The following PANK4 variants were observed in gnomAD, a reference collection of about 807,000 sequenced individuals.
The protein encoded by PANK4 is 4'-phosphopantetheine phosphatase.
PANK4 carries 40 observed loss-of-function variants against 87.9 expected under a neutral mutation model. That is an observed-to-expected ratio of 0.46 (90% CI 0.35 to 0.59). The LOEUF is 0.59. PANK4 is among the 20% of genes least tolerant of loss of function. The pLI, the probability that PANK4 is intolerant of heterozygous loss-of-function variation, is 0.00. For synonymous variants in PANK4, 524 were observed against 467.4 expected, an observed-to-expected ratio of 1.12 and a Z score of -1.56; for missense variants, 926 against 1,072.3, an observed-to-expected ratio of 0.86 and a Z score of 1.90.
At chr1:2,523,542 T>C (rs1643895556) in intron 1 of PANK4, among the ~76,000 whole-genome samples, 1 of 152,172 alleles carries the variant, frequency 6.6e-6, no homozygotes, top group Admixed American at 6.5e-5. Flanking sequence ...CCTGGGTTCT[T>C]TGTGTTAAAT....
rs1230331246 is a variant in PANK4 at position 2,519,936 on chromosome 1, G to A, written c.718C>T (p.His240Tyr). 5 of 1,561,956 alleles carry A rather than the reference G, an allele frequency of 3.2e-6. No homozygotes were observed. The highest frequency in any genetic ancestry group is 4.3e-6 in the Non-Finnish European group (5 of 1,152,170). ...CTGTGCTGGCCCCTCGAGGCCAGGT[G>A]CAGGAGCTCGTCAAACTTCTGCAGG... Reference protein sequence around the residue: ...TKTKKFDELLHLASRGQHSNV... With the variant: ...TKTKKFDELLYLASRGQHSNV... Residue 240 changes from histidine (H) to tyrosine (Y), a missense_variant, in exon 6 of 19, where the codon CAC (histidine) becomes TAC (tyrosine). By Grantham distance (83) the His-to-Tyr change is moderately conservative (BLOSUM62 2). Coordinates refer to ENST00000378466, the MANE Select transcript of PANK4 (RefSeq NM_018216.4). This position sits in a 1 kb window ranked among gnomAD's most constrained non-coding sequence, Gnocchi z 8.3.
intron 14 of PANK4, 113 bp from the exon 15 acceptor site, chr1:2,511,500 C>A: frequency 9.1e-7 from 1 of 1,103,344 alleles, no homozygotes; most frequent in Non-Finnish European, 1.4e-6. Flanking sequence ...GCCCCCGAAG[C>A]CCAGCTGACA....
Position 2,510,376 on chromosome 1 carries a change from G to A in PANK4, c.1939-219C>T, listed in dbSNP as rs1643640599. The A allele has an allele frequency of 5.1e-6, 3 of 589,030 alleles. No homozygotes were observed. The highest frequency in any genetic ancestry group is 4.4e-5 in the African/African-American group (2 of 45,566). 36.5% of individuals were successfully genotyped at this position (589,030 alleles called of 1,614,324 possible). On this transcript the variant is annotated intron_variant, in intron 16 of 18. Transcript: ENST00000378466. The surrounding 1 kb of genome is among the most constrained non-coding windows in gnomAD (Gnocchi z 4.9). ...AGGGGCAGAGCTGAGTTTAGAGCCT[G>A]CCCCTGGGACCTGCCTGTCTGTGAA...
chr1:2,523,200 G>A (rs577622561), intron 1 of PANK4, among the ~76,000 whole-genome samples: 8 of 152,290 alleles, frequency 5.3e-5, no homozygotes, highest in South Asian at 2.1e-4. Flanking sequence ...AAAACCCACC[G>A]TGTCCAGGCC....
intron 1 of PANK4, among the ~76,000 whole-genome samples, chr1:2,522,582 T>TAA (rs924493936): frequency 7.5e-5 from 11 of 146,998 alleles, no homozygotes; most frequent in African/African-American, 2.7e-4. Flanking sequence ...TCTTCTAAGT[T>TAA]AAAAAAAAAA....
At chr1:2,523,939 C>T (rs923612327) in intron 1 of PANK4, among the ~76,000 whole-genome samples, 1 of 152,234 alleles carries the variant, frequency 6.6e-6, no homozygotes, top group African/African-American at 2.4e-5. Flanking sequence ...GTTTGGTCAC[C>T]TGTGCTCTTC....
At chr1:2,518,036 G>C (rs1643813928) in intron 9 of PANK4, 128 bp downstream of exon 9, 1 of 570,322 alleles carries the variant, frequency 1.8e-6, no homozygotes, top group Non-Finnish European at 3.1e-6. Context: ...GTCCATGGGA[G>C]GATTCGCCAT....
rs1643714095 is a variant in PANK4 at position 2,514,098 on chromosome 1, A to G, written c.1488-9T>C. 6.8e-6 allele frequency: 11 copies of G among 1,607,094 alleles called. No individual in the cohort carries two copies. The East Asian group carries it at 2.0e-4, about 29-fold the overall frequency. ...TCAGGGTCCCATAGGCGCTGGGGAC[A>G]GACACGGCAGAGGGCGCTGAGCAGG... On this transcript the variant is annotated splice_polypyrimidine_tract_variant and intron_variant, in intron 11 of 18. Coordinates refer to ENST00000378466, the MANE Select transcript of PANK4 (RefSeq NM_018216.4).
At chr1:2,511,410 T>A in intron 14 of PANK4, 23 bp from the exon 15 acceptor site, 1 of 1,588,948 alleles carries the variant, frequency 6.3e-7, no homozygotes, top group Non-Finnish European at 8.6e-7. Context: ...GAGGGACACA[T>A]GATTAGCCCG....
intron 1 of PANK4, 41 bp from the exon 2 acceptor site, chr1:2,521,841 A>G: frequency 1.3e-6 from 2 of 1,495,438 alleles, no homozygotes; most frequent in South Asian, 1.1e-5. Flanking sequence ...CAGGACCAGG[A>G]CACAGCGGGG....
intron 1 of PANK4, 183 bp downstream of exon 1, chr1:2,526,281 G>A (rs976313226): frequency 1.5e-4 from 27 of 185,392 alleles, no homozygotes; most frequent in Non-Finnish European, 2.3e-4. Flanking sequence ...CCGCGCATCA[G>A]CGACCCTGCG....
rs774424082 is a variant in PANK4 at position 2,514,447 on chromosome 1, G to A, written c.1394C>T (p.Ala465Val). Residue 465 changes from alanine (A) to valine (V), a missense_variant, in exon 11 of 19, where the codon GCG becomes GTG. Transcript: ENST00000378466. Reference sequence around the variant, plus strand: ...TGCATCCACAGAGTCTGGCTGGCTCGCCACTGCGCGCTTCACTACCTGCCA... The same window carrying A: ...TGCATCCACAGAGTCTGGCTGGCTCACCACTGCGCGCTTCACTACCTGCCA... Reference protein sequence around the residue: ...ALDGVVKRAVASQPDSVDAAE... With the variant: ...ALDGVVKRAVVSQPDSVDAAE... The A allele has an allele frequency of 4.3e-6, 7 of 1,610,518 alleles. No individual in the cohort carries two copies. The highest frequency in any genetic ancestry group is 2.2e-5 in the East Asian group (1 of 44,866).
chr1:2,518,341 T>A, intron 8 of PANK4, 77 bp from the exon 9 acceptor site: 1 of 1,093,908 alleles, frequency 9.1e-7, no homozygotes, highest in East Asian at 2.4e-5. Context: ...GAGGAAAGGG[T>A]ATAAAATCGC....
At position 2,515,830 on chromosome 1, in the gene PANK4, G is replaced by A. The variant is rs1487257673; in HGVS notation, c.1219-113C>T. Reference sequence around the variant, plus strand: ...GAAGGGAGATGTACTGCCTTCTTCCGCCACGTCTCTGGGCCACAGACGAGA... The same window carrying A: ...GAAGGGAGATGTACTGCCTTCTTCCACCACGTCTCTGGGCCACAGACGAGA... On this transcript the variant is annotated intron_variant, in intron 9 of 18. Coordinates refer to ENST00000378466, the MANE Select transcript of PANK4 (RefSeq NM_018216.4). The surrounding 1 kb of genome is among the most constrained non-coding windows in gnomAD (Gnocchi z 5.0). The A allele has an allele frequency of 7.4e-6, 8 of 1,078,148 alleles. No homozygotes were observed. The East Asian group carries it at 1.0e-4, about 14-fold the overall frequency. The allele number at this position is 1,078,148 out of a possible 1,614,324, so 66.8% of individuals were successfully genotyped here. A position where few individuals can be genotyped will look rare whatever the true frequency, so the allele number is the denominator to read the frequency against.
intron 13 of PANK4, chr1:2,512,309 C>T (rs190211822): frequency 3.9e-5 from 6 of 154,114 alleles, no homozygotes; most frequent in East Asian, 1.9e-4. Flanking sequence ...GCTGAGAACC[C>T]AGGCATTTCC....
chr1:2,518,666 C>T (rs1643829495), intron 7 of PANK4, 69 bp from the exon 8 acceptor site: 1 of 1,323,524 alleles, frequency 7.6e-7, no homozygotes, highest in South Asian at 1.3e-5. Context: ...CAAACCAGCT[C>T]AACGTGCGCG....
Position 2,510,107 on chromosome 1 carries a change from G to A in PANK4, c.1989C>T (p.Ser663=), listed in dbSNP as rs754867219. 3.7e-6 allele frequency: 6 copies of A among 1,611,190 alleles called. No individual in the cohort carries two copies. Among genetic ancestry groups the A allele is most frequent in the East Asian group, 2.2e-5 (1 of 44,762 alleles). ...SGPALNDVTH[S]ESLIVAERIA... ...TACGCTCTGCCACGATGAGGGACTCGCTGTGGGTCACGTCGTTCAGGGCGG... is the reference window on the plus strand; with the variant it reads ...TACGCTCTGCCACGATGAGGGACTCACTGTGGGTCACGTCGTTCAGGGCGG... Residue 663 remains serine, a synonymous_variant, in exon 17 of 19, where the codon AGC becomes AGT. Coordinates refer to ENST00000378466, the MANE Select transcript of PANK4 (RefSeq NM_018216.4). This position sits in a 1 kb window ranked among gnomAD's most constrained non-coding sequence, Gnocchi z 4.9.
At chr1:2,525,435 G>A (rs545065980) in intron 1 of PANK4, among the ~76,000 whole-genome samples, 13 of 152,124 alleles carry the variant, frequency 8.5e-5, no homozygotes, top group Non-Finnish European at 1.5e-4. Context: ...AGAGGGAGAG[G>A]TATGTGAAGC....
intron 13 of PANK4, among the ~76,000 whole-genome samples, chr1:2,512,103 C>T (rs939196354): frequency 3.3e-5 from 5 of 152,154 alleles, no homozygotes; most frequent in East Asian, 1.9e-4. Flanking sequence ...GACTGGCAGC[C>T]GCAGTATGGT....
Sources: gnomAD v4.1 joint callset for allele counts (sites outside exome capture counted in the v4.1 genomes callset) on GRCh38, gnomAD v4.1.1 for gene constraint, Gnocchi (gnomAD v3.1) non-coding constraint, MANE v1.5 for transcripts, NCBI Gene and HGNC (gene_info 2026-07-23, HGNC 2026-07-21) for gene names.